Variants in DCHS2 observed in about 807,000 individuals in gnomAD.
DCHS2 encodes the protein dachsous cadherin-related 2, also known as protocadherin-23.
In DCHS2, 142 loss-of-function variants were observed where a neutral mutation model predicts 182.4. The ratio of observed to expected loss-of-function variants is 0.78; its 90% confidence interval spans 0.68 to 0.89. The LOEUF (loss-of-function observed/expected upper bound fraction) is 0.89, where lower values mean the gene tolerates loss of function less well. DCHS2 is among the 40% of genes least tolerant of loss of function. The pLI is 0.00. For synonymous variants in DCHS2, 1,740 were observed against 1,663.3 expected (o/e 1.05, Z -1.12); for missense variants, 4,319 against 4,198.6 (o/e 1.03, Z -0.79).
At chr4:154,240,901 G>A in intron 17 of DCHS2, 78 bp from the exon 18 acceptor site, 1 of 1,526,678 alleles carries the variant, frequency 6.6e-7, no homozygotes, top group Admixed American at 1.9e-5. Flanking sequence ...TTCCATCCAA[G>A]TATTTTTATT....
Position 154,333,313 on chromosome 4 carries a change from G to C in DCHS2, c.2895C>G (p.Val965=), listed in dbSNP as rs1372596868. 6.2e-7 allele frequency: 1 copy of C among 1,614,182 alleles called. No individual in the cohort carries two copies. The highest frequency in any genetic ancestry group is 1.3e-5 in the African/African-American group (1 of 75,036). Residue 965 remains valine (V), a synonymous_variant, in exon 5 of 20, where the codon GTC becomes GTG. Coordinates refer to ENST00000357232, the MANE Select transcript of DCHS2 (RefSeq NM_001358235.2). ...CATTGACATCCATGACTGTTATGTTGACCTCGGTGCTGCTGCAGGCTGGGG... is the reference window on the plus strand; with the variant it reads ...CATTGACATCCATGACTGTTATGTTCACCTCGGTGCTGCTGCAGGCTGGGG... The part of the protein sequence containing the change: ...GSAPACSSTE[V]NITVMDVNDN...
Position 154,328,137 on chromosome 4 carries a change from G to A in DCHS2, c.3974C>T (p.Pro1325Leu), listed in dbSNP as rs111557030. ...AACTTCTGCATTATTTCCTTCATCA[G>A]GATCCTTTGCAAACACAGTTGTAAC... ...MLVTTVFAKDPDEGNNAEVTY... is the reference protein window; with the variant it reads ...MLVTTVFAKDLDEGNNAEVTY... Residue 1325 changes from proline to leucine, a missense_variant, in exon 7 of 20, where the codon CCT (proline) becomes CTT (leucine). By Grantham distance (98) the Pro-to-Leu change is moderately conservative (BLOSUM62 -3). Transcript: ENST00000357232. The A allele has an allele frequency of 9.5e-3, 15,353 of 1,609,408 alleles. 106 individuals are homozygous for A. The highest frequency in any genetic ancestry group is 0.012 in the Non-Finnish European group (13,815 of 1,177,814).
rs567145600 is a variant in DCHS2, at chr4:154,411,465, C to A, written c.2053-34021G>T. Among the ~76,000 whole-genome samples the A allele has an allele frequency of 3.3e-5, 5 of 151,848 alleles. No individual in the cohort carries two copies. In the East Asian group the frequency reaches 9.7e-4, roughly 29 times the overall value. ...TACAAAAATTAGCCAGGTGTGGTGG[C>A]GCGTGCCTGTAGTCCCAGCTACTCG... On this transcript the variant is annotated intron_variant, in intron 1 of 19. Coordinates refer to ENST00000357232, the MANE Select transcript of DCHS2 (RefSeq NM_001358235.2).
At chr4:154,399,074 G>A (rs1287120568) in intron 1 of DCHS2, among the ~76,000 whole-genome samples, 1 of 152,210 alleles carries the variant, frequency 6.6e-6, no homozygotes, top group Non-Finnish European at 1.5e-5. Flanking sequence ...CTTAAGAGGA[G>A]ATTTGGAGTT....
intron 1 of DCHS2, among the ~76,000 whole-genome samples, chr4:154,378,309 C>A (rs891020108): frequency 6.6e-6 from 1 of 151,984 alleles, no homozygotes; most frequent in Non-Finnish European, 1.5e-5. Context: ...TCAAAAAATT[C>A]TCAAGCTCAT....
intron 15 of DCHS2, among the ~76,000 whole-genome samples, chr4:154,256,057 A>AT (rs904921721): frequency 3.3e-5 from 5 of 151,592 alleles, no homozygotes; most frequent in Admixed American, 6.6e-5. Context: ...CATAGTGATA[A>AT]TTTTTTTTTC....
At chr4:154,245,966 G>C (rs1732050490) in intron 16 of DCHS2, among the ~76,000 whole-genome samples, 1 of 152,192 alleles carries the variant, frequency 6.6e-6, no homozygotes, top group Admixed American at 6.5e-5. Context: ...TGATAACAGG[G>C]GAGGCTGTGC....
chr4:154,324,168 T>C (rs1174354967), intron 7 of DCHS2, among the ~76,000 whole-genome samples: 2 of 152,224 alleles, frequency 1.3e-5, no homozygotes, highest in Non-Finnish European at 2.9e-5. Context: ...TCGTTAAGCA[T>C]GATTTAAACA....
intron 3 of DCHS2, among the ~76,000 whole-genome samples, chr4:154,351,068 G>A (rs1425476425): frequency 6.6e-6 from 1 of 152,202 alleles, no homozygotes; most frequent in Non-Finnish European, 1.5e-5. Context: ...TTCTAGTGAT[G>A]AAAAGATTCA....
At chr4:154,272,369 T>C in intron 13 of DCHS2, 1 of 152,140 alleles carries the variant, frequency 6.6e-6, no homozygotes, top group Non-Finnish European at 1.5e-5. Context: ...TAACAACATA[T>C]GAGAATGGCA....
chr4:154,403,671 A>G (rs1732284593), intron 1 of DCHS2, among the ~76,000 whole-genome samples: 1 of 152,306 alleles, frequency 6.6e-6, no homozygotes, highest in Admixed American at 6.5e-5. Context: ...TGAGTTGGGA[A>G]ACATTCCGTC....
In DCHS2 at chr4:154,283,322, C is replaced by A. The variant is rs544422534; in HGVS notation, c.6464-13309G>T. Among the ~76,000 whole-genome samples the A allele has an allele frequency of 1.6e-4, 24 of 151,788 alleles. 1 individual carries two copies. In the South Asian group the frequency reaches 5.0e-3, roughly 32 times the overall value. On this transcript the variant is annotated intron_variant, in intron 13 of 19. Transcript: ENST00000357232. ...ATGTATGCTCAAAAGAAATAATTTT[C>A]CAAAATTTGTGGATAGGTGAAAATC...
intron 2 of DCHS2, chr4:154,374,112 T>C (rs1234270291): frequency 8.0e-6 from 5 of 623,192 alleles, no homozygotes; most frequent in African/African-American, 5.7e-5. Context: ...TCTGGAGCAC[T>C]GTGCTTTCCA....
Position 154,236,135 on chromosome 4 carries a change from G to T in DCHS2, c.8517C>A (p.Ile2839=), listed in dbSNP as rs1280721798. ...ATTTATTGCCATTTTCATAGTCAAGGATTTGCTTAGCATGAATATCCCCTG... is the reference window on the plus strand; with the variant it reads ...ATTTATTGCCATTTTCATAGTCAAGTATTTGCTTAGCATGAATATCCCCTG... ...PLTGDIHAKQ[I]LDYENGNKYC... The change falls in exon 20 of 20, where the codon ATC becomes ATA. Residue 2839 remains isoleucine (I), a synonymous_variant. Transcript: ENST00000357232. 4 of 1,613,620 alleles carry T rather than the reference G, an allele frequency of 2.5e-6. No individual in the cohort carries two copies. The highest frequency in any genetic ancestry group is 3.3e-5 in the Admixed American group (2 of 59,976).
intron 3 of DCHS2, among the ~76,000 whole-genome samples, chr4:154,354,129 T>C (rs1417500688): frequency 6.6e-6 from 1 of 152,164 alleles, no homozygotes; most frequent in Non-Finnish European, 1.5e-5. Flanking sequence ...TTTCACCATG[T>C]TGCCCAGACT....
intron 3 of DCHS2, chr4:154,343,505 T>C: frequency 6.7e-7 from 1 of 1,495,100 alleles, no homozygotes; most frequent in African/African-American, 1.4e-5. Flanking sequence ...CTACATACCT[T>C]GCTGCAGCTT....
intron 1 of DCHS2, among the ~76,000 whole-genome samples, chr4:154,381,380 G>A (rs999041361): frequency 2.6e-5 from 4 of 152,010 alleles, no homozygotes; most frequent in African/African-American, 9.7e-5. Context: ...ATTTTTATCA[G>A]ACAAGGATAT....
At chr4:154,372,392 C>T (rs1730684173) in intron 2 of DCHS2, among the ~76,000 whole-genome samples, 1 of 152,214 alleles carries the variant, frequency 6.6e-6, no homozygotes, top group Admixed American at 6.5e-5. Context: ...ATGAGCACAA[C>T]TTCAGTAGCC....
At chr4:154,257,109 G>T (rs1247981217) in intron 15 of DCHS2, among the ~76,000 whole-genome samples, 2 of 152,152 alleles carry the variant, frequency 1.3e-5, no homozygotes, top group African/African-American at 4.8e-5. Context: ...TTAGCTGGGC[G>T]TGGTGGCATA....
Sources: gnomAD v4.1 joint callset for allele counts (sites outside exome capture counted in the v4.1 genomes callset) on GRCh38, gnomAD v4.1.1 for gene constraint, MANE v1.5 for transcripts, NCBI Gene and HGNC (gene_info 2026-07-23, HGNC 2026-07-21) for gene names.